The following TRAPPC9 variants were observed in gnomAD, a reference collection of about 807,000 sequenced individuals.
The protein encoded by TRAPPC9 is IKK2 binding protein.
A neutral mutation model predicts 124.0 loss-of-function variants in TRAPPC9; 83 were observed. The ratio of observed to expected loss-of-function variants is 0.67; its 90% CI spans 0.56 to 0.80. The LOEUF (loss-of-function observed/expected upper bound fraction) is 0.80. TRAPPC9 is among the 30% of genes least tolerant of loss of function. The pLI is 0.00. For missense variants in TRAPPC9, 1,302 were observed against 1,508.3 expected, an observed-to-expected ratio of 0.86 and a Z score of 2.27; for synonymous variants, 638 against 617.5, an observed-to-expected ratio of 1.03 and a Z score of -0.49.
intron 17 of TRAPPC9, among the ~76,000 whole-genome samples, chr8:140,026,855 T>C (rs1439504807): frequency 1.3e-5 from 2 of 152,206 alleles, no homozygotes; most frequent in East Asian, 3.8e-4. Flanking sequence ...TACTTACAAA[T>C]GGCTCAATAA....
chr8:140,157,576 G>A (rs1201512097), intron 17 of TRAPPC9, among the ~76,000 whole-genome samples: 1 of 152,126 alleles, frequency 6.6e-6, no homozygotes, highest in Admixed American at 6.5e-5. Context: ...TCCAATCTGG[G>A]GCTAAGAATG....
At chr8:140,138,484 C>T (rs1453803176) in intron 17 of TRAPPC9, among the ~76,000 whole-genome samples, 6 of 152,212 alleles carry the variant, frequency 3.9e-5, no homozygotes, top group South Asian at 4.2e-4. Flanking sequence ...TCTAAAGTAG[C>T]GTCTTTGCCA....
chr8:139,937,127 T>C (rs1056179656), intron 19 of TRAPPC9, among the ~76,000 whole-genome samples: 7 of 152,044 alleles, frequency 4.6e-5, no homozygotes, highest in South Asian at 4.2e-4. Flanking sequence ...AGTCAGACCA[T>C]ACCTTGCTGC....
chr8:140,380,643 A>AGACT (rs2068576034), intron 7 of TRAPPC9, among the ~76,000 whole-genome samples: 1 of 133,424 alleles, frequency 7.5e-6, no homozygotes, highest in Non-Finnish European at 1.6e-5. Context: ...TGACAAAGAG[A>AGACT]GACTCTGTCT....
intron 5 of TRAPPC9, among the ~76,000 whole-genome samples, chr8:140,408,407 C>T (rs753689938): frequency 6.6e-6 from 1 of 151,816 alleles, no homozygotes; most frequent in Non-Finnish European, 1.5e-5. Context: ...ATACAAGGCA[C>T]AAAACTGGAA....
At chr8:140,114,176 C>G (rs1350814564) in intron 17 of TRAPPC9, among the ~76,000 whole-genome samples, 1 of 152,092 alleles carries the variant, frequency 6.6e-6, no homozygotes, top group Non-Finnish European at 1.5e-5. Flanking sequence ...TGTTTCCAAT[C>G]CCCTCACCTA....
In TRAPPC9 at chr8:140,287,667, C is replaced by A. The variant is rs1170678716; in HGVS notation, c.1922G>T (p.Gly641Val). The A allele has an allele frequency of 1.9e-6, 3 of 1,614,070 alleles. No homozygotes were observed. Among genetic ancestry groups the A allele is most frequent in the South Asian group, 1.1e-5 (1 of 91,084 alleles). The change falls in exon 13 of 23, where the codon GGT becomes GTT. Residue 641 changes from glycine to valine, a missense_variant. Around this residue, in one of 3 missense-constraint regions of TRAPPC9, gnomAD observed 640 missense variants for 679.3 expected, o/e 0.94. Transcript: ENST00000438773. ...PAALSLPAES[G>V]LYPVTLVGVP... ...CCCGACGAGCGTCACTGGGTACAGA[C>A]CAGATTCAGCCGGAAGAGAAAGCGC...
At chr8:140,022,666 T>C (rs148390371) in intron 18 of TRAPPC9, among the ~76,000 whole-genome samples, 1 of 152,300 alleles carries the variant, frequency 6.6e-6, no homozygotes, top group Non-Finnish European at 1.5e-5. Flanking sequence ...GCAAATGTAA[T>C]GCTCAGAAAG....
At chr8:140,269,284 GTAATCCC>G (rs1220655744) in intron 15 of TRAPPC9, among the ~76,000 whole-genome samples, 1 of 152,114 alleles carries the variant, frequency 6.6e-6, no homozygotes, top group Non-Finnish European at 1.5e-5. Context: ...GCTCATGCCT[GTAATCCC>G]AGCACTTTGG....
intron 15 of TRAPPC9, among the ~76,000 whole-genome samples, chr8:140,269,487 G>A (rs1164266787): frequency 3.3e-5 from 5 of 151,894 alleles, no homozygotes; most frequent in Admixed American, 2.6e-4. Flanking sequence ...TTTGCAGTGA[G>A]CCAAGATCGC....
At chr8:139,817,257 G>T (rs141049009) in intron 21 of TRAPPC9, among the ~76,000 whole-genome samples, 2 of 152,188 alleles carry the variant, frequency 1.3e-5, no homozygotes, top group African/African-American at 4.8e-5. Flanking sequence ...GGACATGGCT[G>T]GGGATAGCAG....
intron 7 of TRAPPC9, among the ~76,000 whole-genome samples, chr8:140,388,847 C>CA (rs59649390): frequency 0.011 from 673 of 60,870 alleles, 7 homozygotes; most frequent in South Asian, 0.04. Flanking sequence ...GAGACTCCAT[C>CA]AAAAAAAAAA....
At chr8:140,094,575 T>C (rs1198373762) in intron 17 of TRAPPC9, among the ~76,000 whole-genome samples, 1 of 152,164 alleles carries the variant, frequency 6.6e-6, no homozygotes, top group African/African-American at 2.4e-5. Context: ...AACTGGTACC[T>C]ACCAGTGACC....
chr8:140,070,539 A>C (rs1355019433), intron 17 of TRAPPC9, among the ~76,000 whole-genome samples: 1 of 152,230 alleles, frequency 6.6e-6, no homozygotes, highest in Non-Finnish European at 1.5e-5. Context: ...TAATTCCATG[A>C]GGAAAAATGA....
Position 140,221,414 on chromosome 8 carries a change from A to G in TRAPPC9, c.2556+45T>C. The G allele has an allele frequency of 1.9e-6, 3 of 1,612,530 alleles. 1 individual carries two copies. The South Asian group carries it at 3.3e-5, about 18-fold the overall frequency. On this transcript the variant is annotated intron_variant, in intron 17 of 22. Transcript: ENST00000438773. ...TGTGCTTCAGAAACGGCTTTGCAGA[A>G]GCCCGAACGGCACGTGGCAGATGCC...
intron 20 of TRAPPC9, among the ~76,000 whole-genome samples, chr8:139,906,524 C>T (rs1831374425): frequency 6.6e-6 from 1 of 151,874 alleles, no homozygotes; most frequent in South Asian, 2.1e-4. Flanking sequence ...TCTGTTTCGA[C>T]AGAAATTAAG....
chr8:139,960,333 C>T (rs1377020027), intron 19 of TRAPPC9, among the ~76,000 whole-genome samples: 1 of 152,108 alleles, frequency 6.6e-6, no homozygotes, highest in Non-Finnish European at 1.5e-5. Context: ...GAACAAAGGC[C>T]CAGTGAGACT....
At chr8:140,230,935 A>AC (rs2063576925) in intron 16 of TRAPPC9, among the ~76,000 whole-genome samples, 1 of 151,974 alleles carries the variant, frequency 6.6e-6, no homozygotes, top group South Asian at 2.1e-4. Flanking sequence ...GGCTTTTAGG[A>AC]CCCCTTTTAG....
intron 18 of TRAPPC9, among the ~76,000 whole-genome samples, chr8:140,003,603 A>G (rs574446473): frequency 1.2e-5 from 1 of 84,278 alleles, no homozygotes; most frequent in South Asian, 2.7e-4. Context: ...CCCTGTCACA[A>G]AAAAAAAAAA....
Sources: gnomAD v4.1 joint callset for allele counts (sites outside exome capture counted in the v4.1 genomes callset) on GRCh38, gnomAD v4.1.1 for gene constraint, gnomAD v4.1.1 regional missense constraint, MANE v1.5 for transcripts, NCBI Gene and HGNC (gene_info 2026-07-23, HGNC 2026-07-21) for gene names.